The following SORCS2 variants were observed in gnomAD, a reference collection of about 807,000 sequenced individuals.
SORCS2 encodes the protein VPS10 domain-containing receptor SorCS2.
A neutral mutation model predicts 141.6 loss-of-function variants in SORCS2; 100 were observed. That is an observed-to-expected ratio of 0.71 (90% confidence interval 0.60 to 0.83). SORCS2 has a LOEUF of 0.83. Ranked by LOEUF, SORCS2 falls within the 40% of genes least tolerant of loss-of-function variation. The probability of loss-of-function intolerance (pLI) is 0.00; values close to 1 mark genes in which losing one functional copy is unlikely to be tolerated. For missense variants in SORCS2, 1,646 were observed against 1,560.2 expected (o/e 1.05, Z -0.93); for synonymous variants, 789 against 676.9 (o/e 1.17, Z -2.57).
chr4:7,412,281 C>A (rs1388993599), intron 2 of SORCS2, among the ~76,000 whole-genome samples: 1 of 152,230 alleles, frequency 6.6e-6, no homozygotes, highest in Admixed American at 6.5e-5. Context: ...TGGCCACCCC[C>A]TGGAGTTAGT....
chr4:7,334,378 A>C (rs988649430), intron 1 of SORCS2, among the ~76,000 whole-genome samples: 11 of 144,538 alleles, frequency 7.6e-5, no homozygotes, highest in African/African-American at 1.3e-4. Flanking sequence ...CAGTCCTCTC[A>C]CCCGCCCCTC....
chr4:7,432,186 G>C lies in SORCS2; in HGVS notation c.548+35831G>C, dbSNP rs189463650. 129 of 152,386 alleles carry C rather than the reference G, an allele frequency of 8.5e-4. 2 individuals are homozygous for C. The East Asian group carries it at 0.02, about 23-fold the overall frequency. The allele number at this position is 152,386 out of a possible 1,614,324, so 9.4% of individuals were successfully genotyped here. On this transcript the variant is annotated intron_variant, in intron 2 of 26. Coordinates refer to ENST00000507866, the MANE Select transcript of SORCS2 (RefSeq NM_020777.3). ...CACCGGGGCGAGGTGGAGGCACCAG[G>C]GTAAGGTGGAGGCTGTTGTAGCAGC... is the stretch of plus-strand genomic sequence containing the variant.
intron 1 of SORCS2, among the ~76,000 whole-genome samples, chr4:7,365,318 G>T (rs928440124): frequency 2.6e-5 from 4 of 152,070 alleles, no homozygotes; most frequent in African/African-American, 9.7e-5. Context: ...AGTTCAGGAG[G>T]GCGCAAGGTT....
chr4:7,740,136 CCT>C, intron 26 of SORCS2, 62 bp from the exon 27 acceptor site: 1 of 1,429,362 alleles, frequency 7.0e-7, no homozygotes, highest in Non-Finnish European at 9.6e-7. Flanking sequence ...GACCGTGTCC[CCT>C]GTGGCCCTGT....
At chr4:7,657,623 G>T (rs1721866271) in intron 5 of SORCS2, among the ~76,000 whole-genome samples, 1 of 144,104 alleles carries the variant, frequency 6.9e-6, no homozygotes, top group Non-Finnish European at 1.5e-5. Flanking sequence ...GTGAGTCACT[G>T]AATGAGTTAG....
At chr4:7,272,865 C>T (rs1484654298) in intron 1 of SORCS2, among the ~76,000 whole-genome samples, 1 of 152,280 alleles carries the variant, frequency 6.6e-6, no homozygotes, top group East Asian at 1.9e-4. Context: ...CCTGCTCCAA[C>T]TTTCCCCACC....
chr4:7,360,634 A>C (rs1056788249), intron 1 of SORCS2, among the ~76,000 whole-genome samples: 2 of 120,114 alleles, frequency 1.7e-5, no homozygotes, highest in African/African-American at 6.4e-5. Flanking sequence ...GCTGGAGTGC[A>C]GTGGTATGAT....
At chr4:7,197,928 AAGGCTCAT>A (rs1408332072) in intron 1 of SORCS2, among the ~76,000 whole-genome samples, 1 of 152,194 alleles carries the variant, frequency 6.6e-6, no homozygotes, top group Admixed American at 6.5e-5. Context: ...GGGAGAAGTA[AAGGCTCAT>A]AGGTTTGTGG....
intron 19 of SORCS2, among the ~76,000 whole-genome samples, chr4:7,724,483 A>ATGCTGG (rs570395436): frequency 2.1e-5 from 2 of 97,330 alleles, no homozygotes; most frequent in Non-Finnish European, 4.0e-5. Flanking sequence ...GATGGTGGTG[A>ATGCTGG]TGGTGGTGGT....
intron 2 of SORCS2, among the ~76,000 whole-genome samples, chr4:7,445,801 A>G (rs1480279221): frequency 5.9e-5 from 9 of 152,114 alleles, no homozygotes; most frequent in African/African-American, 2.2e-4. Context: ...CGGGAAGTAC[A>G]GGACTCCAGA....
At chr4:7,341,608 A>AC (rs1469680109) in intron 1 of SORCS2, among the ~76,000 whole-genome samples, 1 of 152,148 alleles carries the variant, frequency 6.6e-6, no homozygotes. Flanking sequence ...CTCTGTGATG[A>AC]CCCAGCCACC....
At chr4:7,720,505 T>C (rs1202259830) in intron 18 of SORCS2, among the ~76,000 whole-genome samples, 1 of 152,198 alleles carries the variant, frequency 6.6e-6, no homozygotes, top group Non-Finnish European at 1.5e-5. Context: ...GTTGATAAAT[T>C]GGGCTTCATC....
chr4:7,528,379 T>C (rs35708676), intron 2 of SORCS2, among the ~76,000 whole-genome samples: 66,500 of 144,522 alleles, frequency 0.46, 16,990 homozygotes, highest in East Asian at 0.89. Context: ...GTGAGGGGCT[T>C]CCTAGGCACT....
chr4:7,556,524 G>T (rs75452312), intron 3 of SORCS2, among the ~76,000 whole-genome samples: 2 of 152,142 alleles, frequency 1.3e-5, no homozygotes, highest in Non-Finnish European at 2.9e-5. Context: ...AAAGACCCAG[G>T]AGGCTGAGAC....
chr4:7,490,702 G>C (rs1190801113), intron 2 of SORCS2, among the ~76,000 whole-genome samples: 3 of 152,170 alleles, frequency 2.0e-5, no homozygotes, highest in Non-Finnish European at 4.4e-5. Context: ...AGTGAAATGG[G>C]GGCAGGTTGT....
Position 7,503,493 on chromosome 4 carries a change from CATAG to C in SORCS2, c.549-28035_549-28032del, listed in dbSNP as rs1732096110. Among the ~76,000 whole-genome samples, 4 of 137,994 alleles carry C rather than the reference CATAG, an allele frequency of 2.9e-5. No individual in the cohort carries two copies. The South Asian group carries it at 1.1e-3, about 38-fold the overall frequency. The allele number at this position is 137,994 out of a possible 152,430, so 90.5% of individuals were successfully genotyped here. A position where few individuals can be genotyped will look rare whatever the true frequency, so the allele number is the denominator to read the frequency against. On this transcript the variant is annotated intron_variant, in intron 2 of 26. Transcript: ENST00000507866. ...AGACGGAGACATAGAGGGGCAGAGA[CATAG>C]AGAGACAGAGATGGAGACAGAGAGA...
Position 7,434,813 on chromosome 4 carries a change from G to A in SORCS2, c.548+38458G>A. On this transcript the variant is annotated intron_variant, in intron 2 of 26. Coordinates refer to ENST00000507866, the MANE Select transcript of SORCS2 (RefSeq NM_020777.3). ...GTGGAGCCCTTTGCACACTCCTGGG[G>A]GCCTGAGGTGGGGCTGGCCCTGGTG... 3 of 1,605,508 alleles carry A rather than the reference G, an allele frequency of 1.9e-6. No individual in the cohort carries two copies. Among genetic ancestry groups the A allele is most frequent in the South Asian group, 1.1e-5 (1 of 89,552 alleles).
intron 1 of SORCS2, among the ~76,000 whole-genome samples, chr4:7,262,298 CCATCCATCCAACCACCTATCCATCCAT>C: frequency 6.6e-6 from 1 of 151,508 alleles, no homozygotes; most frequent in Non-Finnish European, 1.5e-5. Flanking sequence ...ACCCACCCAT[CCATCCATCCAACCACCTATCCATCCAT>C]CCATCCATCT....
intron 1 of SORCS2, among the ~76,000 whole-genome samples, chr4:7,347,399 A>C (rs1488121581): frequency 6.6e-6 from 1 of 152,236 alleles, no homozygotes; most frequent in Admixed American, 6.5e-5. Flanking sequence ...ATATCAGTGA[A>C]TAAGAATAAA....
Sources: gnomAD v4.1 joint callset for allele counts (sites outside exome capture counted in the v4.1 genomes callset) on GRCh38, gnomAD v4.1.1 for gene constraint, MANE v1.5 for transcripts, NCBI Gene and HGNC (gene_info 2026-07-23, HGNC 2026-07-21) for gene names.